The following RFC4 variants were observed in gnomAD, a reference collection of about 807,000 sequenced individuals.
RFC4 encodes the protein replication factor C subunit 4.
In RFC4, 38 loss-of-function variants were observed where a neutral mutation model predicts 47.6. The ratio of observed to expected loss-of-function variants is 0.80; its 90% CI spans 0.62 to 1.05. The LOEUF is 1.05. Among genes scored for constraint, RFC4 ranks in the 50% least tolerant of loss-of-function variants. The pLI is 0.00. For missense variants in RFC4, 489 were observed against 434.0 expected, an observed-to-expected ratio of 1.13 and a Z score of -1.13; for synonymous variants, 164 against 150.0, an observed-to-expected ratio of 1.09 and a Z score of -0.68.
chr3:186,803,432 A>G (rs572497334), intron 2 of RFC4, among the ~76,000 whole-genome samples: 2 of 152,316 alleles, frequency 1.3e-5, no homozygotes, highest in African/African-American at 2.4e-5. Flanking sequence ...ATCTGTAAAC[A>G]TTGGTAATTA....
intron 3 of RFC4, among the ~76,000 whole-genome samples, chr3:186,799,816 A>G (rs1388518883): frequency 1.3e-5 from 2 of 152,210 alleles, no homozygotes; most frequent in Non-Finnish European, 1.5e-5. Context: ...AATCTGTGTA[A>G]TTACTATGCA....
chr3:186,790,425 G>T lies in RFC4; in HGVS notation c.802-19C>A. ...GTATTACCTAGGTAATTGAATGTTCGGTATTAAAGATGTTTCTAGGTGAGA... is the reference window on the plus strand; with the variant it reads ...GTATTACCTAGGTAATTGAATGTTCTGTATTAAAGATGTTTCTAGGTGAGA... On this transcript the variant is annotated intron_variant, in intron 8 of 10. Coordinates refer to ENST00000296273, the MANE Select transcript of RFC4 (RefSeq NM_002916.5). 6.4e-7 allele frequency: 1 copy of T among 1,563,936 alleles called. No individual in the cohort carries two copies. Among genetic ancestry groups the T allele is most frequent in the Non-Finnish European group, 8.8e-7 (1 of 1,134,522 alleles).
At position 186,792,933 on chromosome 3, in the gene RFC4, G is replaced by A. The variant is rs1722173532; in HGVS notation, c.425C>T (p.Pro142Leu). Residue 142 changes from proline (P) to leucine (L), a missense_variant, in exon 6 of 11, where the codon CCG becomes CTG. Around this residue, in one of 2 missense-constraint regions of RFC4, gnomAD observed 206 missense variants for 257.8 expected, o/e 0.80. Transcript: ENST00000296273. ...ATCCAGAATCACAATCTTAAAAGGC[G>A]GACACGGCTTCCCACTGATTCAGAG... is the stretch of plus-strand genomic sequence containing the variant. ...SGSRSDGKPC[P>L]PFKIVILDEA... is the part of the protein sequence containing the mutation. The A allele has an allele frequency of 8.7e-6, 14 of 1,612,876 alleles. No homozygotes were observed. The highest frequency in any genetic ancestry group is 1.6e-4 in the Middle Eastern group (1 of 6,082).
intron 2 of RFC4, among the ~76,000 whole-genome samples, chr3:186,803,761 C>T (rs1579184602): frequency 2.0e-5 from 3 of 151,920 alleles, no homozygotes; most frequent in Middle Eastern, 6.8e-3. Flanking sequence ...ATCCTCCCAC[C>T]TTGGCCTCCC....
chr3:186,794,564 A>G, intron 5 of RFC4, 94 bp downstream of exon 5: 1 of 1,256,112 alleles, frequency 8.0e-7, no homozygotes. Flanking sequence ...TGGCAGAAAT[A>G]CACTTGATCT....
At position 186,804,625 on chromosome 3, in the gene RFC4, C is replaced by T; in HGVS notation, c.89G>A (p.Gly30Glu). The T allele has an allele frequency of 6.2e-7, 1 of 1,614,114 alleles. No homozygotes were observed. Among genetic ancestry groups the T allele is most frequent in the Non-Finnish European group, 8.5e-7 (1 of 1,180,024 alleles). The stretch of plus-strand genomic sequence containing the variant: ...AACGGGTTTGGCTTTCTTGTTCTCT[C>T]CGCTACTTCCCGCACTGGCAGCTAC... ...RGVAASAGSS[G>E]ENKKAKPVPW... Residue 30 changes from glycine (G) to glutamate (E), a missense_variant, in exon 2 of 11, where the codon GGA becomes GAA. This residue lies in a region of RFC4 where 206 missense variants were observed against 257.8 expected (regional missense o/e 0.80). Transcript: ENST00000296273.
rs1231477996 is a variant in RFC4, at chr3:186,796,255, T to C, written c.290+1280A>G. Among the ~76,000 whole-genome samples the C allele has an allele frequency of 6.6e-6, 1 of 152,214 alleles. No individual in the cohort carries two copies. Among genetic ancestry groups the C allele is most frequent in the Non-Finnish European group, 1.5e-5 (1 of 68,036 alleles). ...ATTTCATAAAGGATATAGAAAAAGT[T>C]GTATAATCTGGACTGACCTACTCTA... On this transcript the variant is annotated intron_variant, in intron 4 of 10. Transcript: ENST00000296273. This position sits in a 1 kb window ranked among gnomAD's most constrained non-coding sequence, Gnocchi z 4.2.
intron 2 of RFC4, among the ~76,000 whole-genome samples, chr3:186,802,284 C>T (rs1016103928): frequency 1.3e-5 from 2 of 151,892 alleles, no homozygotes; most frequent in Non-Finnish European, 2.9e-5. Flanking sequence ...CAAGATCGCA[C>T]CACTGCACTT....
intron 4 of RFC4, among the ~76,000 whole-genome samples, chr3:186,795,449 T>C (rs1163171869): frequency 6.6e-6 from 1 of 152,238 alleles, no homozygotes; most frequent in Non-Finnish European, 1.5e-5. Flanking sequence ...GTTAGACATC[T>C]AGATAGTTTT....
intron 3 of RFC4, among the ~76,000 whole-genome samples, chr3:186,800,020 C>G (rs1722320385): frequency 6.6e-6 from 1 of 152,112 alleles, no homozygotes; most frequent in South Asian, 2.1e-4. Context: ...GTGGCACAAT[C>G]TTGGCTCACT....
chr3:186,800,737 C>T (rs1477304480), intron 3 of RFC4, among the ~76,000 whole-genome samples: 1 of 152,100 alleles, frequency 6.6e-6, no homozygotes, highest in Non-Finnish European at 1.5e-5. Flanking sequence ...TCTGGCTCTT[C>T]TTTATAGCAC....
Position 186,790,304 on chromosome 3 carries a change from AAAGTTAGTAAGCTGACTTTACCTTGACC to A in RFC4, c.876_882+21del. On this transcript the variant is annotated splice_donor_variant and splice_donor_5th_base_variant and coding_sequence_variant and intron_variant, in exon 9 of 11. Coordinates refer to ENST00000296273, the MANE Select transcript of RFC4 (RefSeq NM_002916.5). LOFTEE classifies it high-confidence loss of function. ...ATGATGACTTAATATTCCTTTCCCC[AAAGTTAGTAAGCTGACTTTACCTTGACC>A]ACAGCTTCTAGTTTGTCAAAAGAGC... The A allele has an allele frequency of 6.2e-7, 1 of 1,613,132 alleles. No homozygotes were observed.
intron 2 of RFC4, among the ~76,000 whole-genome samples, chr3:186,802,043 A>G (rs1722369193): frequency 6.6e-6 from 1 of 151,372 alleles, no homozygotes; most frequent in Non-Finnish European, 1.5e-5. Flanking sequence ...AAAAAAAAAA[A>G]AATTAAAGTG....
rs765382852 is a variant in RFC4, at chr3:186,804,723, C to G, written c.-10G>C. The G allele has an allele frequency of 1.2e-6, 2 of 1,609,272 alleles. No individual in the cohort carries two copies. Among genetic ancestry groups the G allele is most frequent in the South Asian group, 1.1e-5 (1 of 89,914 alleles). On this transcript the variant is annotated splice_region_variant and 5_prime_UTR_variant, in exon 2 of 11. Transcript: ENST00000296273. The stretch of plus-strand genomic sequence containing the variant: ...TAAGAAATGCTTGCATGGTACTTCA[C>G]CCTGGTCAGGTGCAAGACAGAAAAA...
intron 2 of RFC4, among the ~76,000 whole-genome samples, chr3:186,801,886 G>C (rs529648772): frequency 5.9e-5 from 9 of 151,502 alleles, no homozygotes; most frequent in East Asian, 3.9e-4. Flanking sequence ...AGCCGGGCAT[G>C]GTGGTGCATG....
In RFC4 at chr3:186,795,943, TA is replaced by T. The variant is rs370436831; in HGVS notation, c.291-1167del. Among the ~76,000 whole-genome samples, 426 of 152,216 alleles carry T rather than the reference TA, an allele frequency of 2.8e-3. 1 individual carries two copies. The highest frequency in any genetic ancestry group is 9.8e-3 in the African/African-American group (409 of 41,526). ...AAAATTACTAAAAGTAATATATGCT[TA>T]CTGTAGAGAAATTTGAGAAATCAAA... On this transcript the variant is annotated intron_variant, in intron 4 of 10. Coordinates refer to ENST00000296273, the MANE Select transcript of RFC4 (RefSeq NM_002916.5).
chr3:186,802,833 AAGGC>A (rs1722387120), intron 2 of RFC4, among the ~76,000 whole-genome samples: 1 of 152,158 alleles, frequency 6.6e-6, no homozygotes, highest in Non-Finnish European at 1.5e-5. Context: ...AAGAGTGAGG[AAGGC>A]AGAGTGTGAT....
chr3:186,804,497 C>T, intron 2 of RFC4, 86 bp downstream of exon 2: 1 of 1,325,914 alleles, frequency 7.5e-7, no homozygotes, highest in South Asian at 1.5e-5. Context: ...AGCATTCCTC[C>T]ATAAGTTAAA....
At chr3:186,800,239 G>A (rs774048249) in intron 3 of RFC4, among the ~76,000 whole-genome samples, 98 of 152,290 alleles carry the variant, frequency 6.4e-4, no homozygotes, top group Non-Finnish European at 1.2e-3. Flanking sequence ...TTACAGGCGT[G>A]AGCCACTGTG....
Sources: gnomAD v4.1 joint callset for allele counts (sites outside exome capture counted in the v4.1 genomes callset) on GRCh38, gnomAD v4.1.1 for gene constraint, gnomAD v4.1.1 regional missense constraint, Gnocchi (gnomAD v3.1) non-coding constraint, MANE v1.5 for transcripts, NCBI Gene and HGNC (gene_info 2026-07-23, HGNC 2026-07-21) for gene names.